The following NFIB variants were observed in gnomAD, a reference collection of about 807,000 sequenced individuals.
NFIB encodes nuclear factor I B, also known as nuclear factor 1 B-type.
A neutral mutation model predicts 61.5 loss-of-function variants in NFIB; 11 were observed. That is an observed-to-expected ratio of 0.18 (90% confidence interval 0.11 to 0.30). NFIB has a LOEUF of 0.30. Among genes scored for constraint, NFIB ranks in the 10% least tolerant of loss-of-function variants. The pLI is 1.00. For missense variants in NFIB, 471 were observed against 608.9 expected (o/e 0.77, Z 2.38); for synonymous variants, 260 against 216.5 (o/e 1.20, Z -1.76).
chr9:14,297,406 C>T (rs1414264109), intron 2 of NFIB, among the ~76,000 whole-genome samples: 2 of 152,210 alleles, frequency 1.3e-5, no homozygotes, highest in Non-Finnish European at 2.9e-5. Context: ...AACCTTCCTC[C>T]TTTGACCCCT....
At chr9:14,306,883 G>C in intron 2 of NFIB, 106 bp downstream of exon 2, 4 of 1,363,214 alleles carry the variant, frequency 2.9e-6, no homozygotes, top group Non-Finnish European at 4.0e-6. Context: ...GAGGGTGGAG[G>C]ATATCTAGGG....
intron 1 of NFIB, among the ~76,000 whole-genome samples, chr9:14,340,072 C>A (rs1197233176): frequency 6.6e-6 from 1 of 152,174 alleles, no homozygotes; most frequent in Non-Finnish European, 1.5e-5. Context: ...CCAAAGTTCA[C>A]CTTTCTAGTT....
At position 14,322,358 on chromosome 9, in the gene NFIB, T is replaced by C. The variant is rs78359374; in HGVS notation, c.109-14838A>G. On this transcript the variant is annotated intron_variant, in intron 1 of 8. Transcript: ENST00000380934. ...GTATGTGTGTGTGTGGTGGGTTTTA[T>C]TGTTGTTTTAGCGGGGCTGCTCCAG... 4.8e-3 allele frequency: 1,173 copies of C among 245,386 alleles called. 16 individuals carry two copies. Among genetic ancestry groups the C allele is most frequent in the African/African-American group, 0.023 (1,042 of 45,882 alleles). 15.2% of individuals were successfully genotyped at this position (245,386 alleles called of 1,614,324 possible).
At chr9:14,301,823 T>C (rs2059768571) in intron 2 of NFIB, among the ~76,000 whole-genome samples, 2 of 152,202 alleles carry the variant, frequency 1.3e-5, no homozygotes, top group Non-Finnish European at 2.9e-5. Context: ...AAGTATCTTA[T>C]CTCACAATAT....
chr9:14,116,480 G>T, intron 8 of NFIB, 134 bp from the exon 9 acceptor site: 1 of 908,854 alleles, frequency 1.1e-6, no homozygotes, highest in Non-Finnish European at 1.5e-6. Context: ...CTCTCGAGTC[G>T]GAGTCGGAGA....
intron 2 of NFIB, among the ~76,000 whole-genome samples, chr9:14,242,852 T>C (rs940799302): frequency 6.6e-6 from 1 of 152,168 alleles, no homozygotes; most frequent in Non-Finnish European, 1.5e-5. Flanking sequence ...AAAACAAATA[T>C]TGAAATGGTT....
At chr9:14,421,706 G>C in the NFIB span, among the ~76,000 whole-genome samples, 1 of 152,166 alleles carries the variant, frequency 6.6e-6, no homozygotes, top group Non-Finnish European at 1.5e-5. Flanking sequence ...ACTAGAATTG[G>C]CCCAGTGCTA....
chr9:14,425,027 A>T, the NFIB span, among the ~76,000 whole-genome samples: 1 of 152,276 alleles, frequency 6.6e-6, no homozygotes, highest in Non-Finnish European at 1.5e-5. Context: ...GTGAGTAAAT[A>T]TGGAAGTACT....
At chr9:14,250,841 T>G (rs1345748672) in intron 2 of NFIB, among the ~76,000 whole-genome samples, 2 of 152,258 alleles carry the variant, frequency 1.3e-5, no homozygotes, top group Admixed American at 1.3e-4. Flanking sequence ...AAGTCACGTT[T>G]ATTCAAAAGA....
the NFIB span, among the ~76,000 whole-genome samples, chr9:14,462,572 G>A: frequency 2.0e-5 from 3 of 152,116 alleles, no homozygotes; most frequent in African/African-American, 4.8e-5. Flanking sequence ...GTGAGCCACC[G>A]TGCCCGGCCA....
At chr9:14,474,007 T>A in the NFIB span, among the ~76,000 whole-genome samples, 1 of 152,294 alleles carries the variant, frequency 6.6e-6, no homozygotes, top group East Asian at 1.9e-4. Flanking sequence ...AGGACGGAGA[T>A]GAACTGCACA....
At chr9:14,337,373 G>A (rs2060897127) in intron 1 of NFIB, among the ~76,000 whole-genome samples, 1 of 152,142 alleles carries the variant, frequency 6.6e-6, no homozygotes, top group Admixed American at 6.5e-5. Context: ...TTCAAAAACA[G>A]GCATACAAAA....
chr9:14,323,989 T>C (rs767358182), intron 1 of NFIB, among the ~76,000 whole-genome samples: 3 of 152,202 alleles, frequency 2.0e-5, no homozygotes, highest in Non-Finnish European at 4.4e-5. Context: ...ACTGCAAGTT[T>C]AACAGTTCCC....
At chr9:14,211,414 T>C (rs1201007188) in intron 2 of NFIB, among the ~76,000 whole-genome samples, 1 of 152,116 alleles carries the variant, frequency 6.6e-6, no homozygotes. Flanking sequence ...ATACATAAAT[T>C]GGGTCTACAC....
intron 3 of NFIB, 128 bp downstream of exon 3, chr9:14,179,599 T>G: frequency 1.1e-6 from 1 of 908,848 alleles, no homozygotes; most frequent in Non-Finnish European, 1.7e-6. Flanking sequence ...CAATCACATC[T>G]TGTCCCGATC....
intron 4 of NFIB, among the ~76,000 whole-genome samples, chr9:14,150,674 TTAAA>T (rs2042770338): frequency 6.6e-6 from 1 of 152,080 alleles, no homozygotes; most frequent in South Asian, 2.1e-4. Context: ...CAAATCATTG[TTAAA>T]TAAATAAACA....
At chr9:14,285,128 A>G (rs1438319912) in intron 2 of NFIB, among the ~76,000 whole-genome samples, 1 of 152,084 alleles carries the variant, frequency 6.6e-6, no homozygotes, top group Non-Finnish European at 1.5e-5. Flanking sequence ...ATTCTTTCCA[A>G]TTTTCTTTTC....
chr9:14,346,132 G>C (rs2025318), intron 1 of NFIB, among the ~76,000 whole-genome samples: 1 of 151,798 alleles, frequency 6.6e-6, no homozygotes, highest in Non-Finnish European at 1.5e-5. Flanking sequence ...CGCGGGCGCG[G>C]GGGGCGCGTG....
At chr9:14,171,828 T>C (rs2045595136) in intron 3 of NFIB, among the ~76,000 whole-genome samples, 1 of 152,136 alleles carries the variant, frequency 6.6e-6, no homozygotes, top group Non-Finnish European at 1.5e-5. Context: ...TAGGTCTAAA[T>C]CATTAGGAGA....
Sources: gnomAD v4.1 joint callset for allele counts (sites outside exome capture counted in the v4.1 genomes callset) on GRCh38, gnomAD v4.1.1 for gene constraint, MANE v1.5 for transcripts, NCBI Gene and HGNC (gene_info 2026-07-23, HGNC 2026-07-21) for gene names.